The following FBXL13 variants were observed in gnomAD, a reference collection of about 807,000 sequenced individuals.
FBXL13 encodes F-box and leucine rich repeat protein 13.
Under a neutral mutation model 83.6 loss-of-function variants are expected in FBXL13, and 67 were observed. The ratio of observed to expected loss-of-function variants is 0.80; its 90% CI spans 0.66 to 0.98. The LOEUF (loss-of-function observed/expected upper bound fraction) is 0.98. FBXL13 is among the 50% of genes least tolerant of loss of function. The pLI is 0.00. For missense variants in FBXL13, 822 were observed against 866.5 expected, an observed-to-expected ratio of 0.95 and a Z score of 0.64; for synonymous variants, 272 against 299.5, an observed-to-expected ratio of 0.91 and a Z score of 0.95.
intron 2 of FBXL13, among the ~76,000 whole-genome samples, chr7:103,039,536 A>G (rs984604322): frequency 1.3e-5 from 2 of 152,192 alleles, no homozygotes; most frequent in African/African-American, 4.8e-5. Flanking sequence ...AGATTCACCA[A>G]GGTTGAAATG....
chr7:103,046,657 T>C (rs1188423041), intron 2 of FBXL13, among the ~76,000 whole-genome samples: 1 of 152,218 alleles, frequency 6.6e-6, no homozygotes, highest in Non-Finnish European at 1.5e-5. Flanking sequence ...CCCCTCATCA[T>C]TTCTATTGGC....
At chr7:102,983,391 A>G (rs971089513) in intron 6 of FBXL13, among the ~76,000 whole-genome samples, 2 of 150,986 alleles carry the variant, frequency 1.3e-5, no homozygotes, top group African/African-American at 4.9e-5. Flanking sequence ...ATTCCAACTT[A>G]TAGAAACCCA....
At chr7:102,983,341 C>A (rs548431610) in intron 6 of FBXL13, among the ~76,000 whole-genome samples, 4 of 151,918 alleles carry the variant, frequency 2.6e-5, no homozygotes, top group African/African-American at 9.7e-5. Flanking sequence ...GTTAGAGGCT[C>A]AATGTCCTCA....
At chr7:102,959,563 C>T (rs965323644) in intron 8 of FBXL13, among the ~76,000 whole-genome samples, 11 of 151,354 alleles carry the variant, frequency 7.3e-5, no homozygotes, top group African/African-American at 2.7e-4. Context: ...TTCATTTTAC[C>T]CTTTAATATC....
At chr7:103,047,844 G>A (rs141143899) in intron 2 of FBXL13, among the ~76,000 whole-genome samples, 3 of 152,176 alleles carry the variant, frequency 2.0e-5, no homozygotes, top group Admixed American at 6.5e-5. Context: ...ACAGGCACCC[G>A]CCACCATGCC....
chr7:102,878,953 A>C (rs966098192), intron 14 of FBXL13, among the ~76,000 whole-genome samples: 1 of 152,236 alleles, frequency 6.6e-6, no homozygotes, highest in Non-Finnish European at 1.5e-5. Flanking sequence ...TGCTGGAAGA[A>C]GACCTTGACC....
At chr7:103,057,254 C>G (rs1213324682) in intron 1 of FBXL13, among the ~76,000 whole-genome samples, 1 of 152,164 alleles carries the variant, frequency 6.6e-6, no homozygotes, top group Admixed American at 6.5e-5. Context: ...TATCTTGCCT[C>G]TTTCTAAAAA....
intron 16 of FBXL13, among the ~76,000 whole-genome samples, chr7:102,876,374 G>A (rs1286407140): frequency 6.6e-6 from 1 of 152,098 alleles, no homozygotes; most frequent in Admixed American, 6.5e-5. Context: ...ATAATGAGTT[G>A]ACTCCATGGT....
intron 11 of FBXL13, among the ~76,000 whole-genome samples, chr7:102,887,980 C>T (rs1164861392): frequency 1.3e-5 from 2 of 152,170 alleles, no homozygotes; most frequent in African/African-American, 2.4e-5. Context: ...GAAAAGATAG[C>T]GTAAGGAAGC....
chr7:103,053,310 G>T (rs1291723680), intron 2 of FBXL13, among the ~76,000 whole-genome samples: 1 of 151,524 alleles, frequency 6.6e-6, no homozygotes, highest in Non-Finnish European at 1.5e-5. Flanking sequence ...CCGCCACCAT[G>T]CCCAACTAAT....
intron 2 of FBXL13, among the ~76,000 whole-genome samples, chr7:103,045,104 T>C (rs1332030800): frequency 6.6e-6 from 1 of 152,218 alleles, no homozygotes; most frequent in Non-Finnish European, 1.5e-5. Flanking sequence ...AGAAGATTAA[T>C]AGACACAAAA....
intron 17 of FBXL13, among the ~76,000 whole-genome samples, chr7:102,838,458 AT>A (rs548242145): frequency 6.7e-6 from 1 of 150,284 alleles, no homozygotes. Flanking sequence ...TAAAAAAAAA[AT>A]TTTTTTTTTG....
At chr7:102,876,421 C>T (rs745922431) in intron 16 of FBXL13, among the ~76,000 whole-genome samples, 22 of 151,880 alleles carry the variant, frequency 1.4e-4, no homozygotes, top group South Asian at 8.3e-4. Flanking sequence ...CACTCATGGA[C>T]GATATGGAAG....
At chr7:102,964,214 G>A (rs927671688) in intron 7 of FBXL13, among the ~76,000 whole-genome samples, 4 of 151,722 alleles carry the variant, frequency 2.6e-5, no homozygotes, top group Admixed American at 6.6e-5. Context: ...GGGAGGCTGA[G>A]GCATGAGAAT....
At chr7:102,895,323 G>C (rs1812122160) in intron 11 of FBXL13, among the ~76,000 whole-genome samples, 1 of 152,176 alleles carries the variant, frequency 6.6e-6, no homozygotes. Flanking sequence ...GAGGGCAAAA[G>C]GTGAGCCTAG....
chr7:103,006,740 GT>G (rs1411838843), intron 6 of FBXL13, among the ~76,000 whole-genome samples: 2 of 151,910 alleles, frequency 1.3e-5, no homozygotes, highest in African/African-American at 2.4e-5. Context: ...GCAGGAAAAC[GT>G]GACAAATAAC....
At chr7:102,963,642 A>G in exon 8 of FBXL13, 1 of 1,601,658 alleles carries the variant, frequency 6.2e-7, no homozygotes. Flanking sequence ...CTGGAATCAC[A>G]TTTTTCACTG....
intron 6 of FBXL13, among the ~76,000 whole-genome samples, chr7:103,015,760 G>A (rs1000077325): frequency 5.1e-5 from 7 of 136,810 alleles, no homozygotes; most frequent in Non-Finnish European, 1.1e-4. Flanking sequence ...TCACACCACT[G>A]CACTCCAGCC....
chr7:102,848,273 G>GTGTGTACGGATATTAT (rs1299866637), intron 17 of FBXL13, among the ~76,000 whole-genome samples: 6 of 116,170 alleles, frequency 5.2e-5, no homozygotes, highest in African/African-American at 1.4e-4. Context: ...ATACACATTC[G>GTGTGTACGGATATTAT]AGGCCGGGCG....
Sources: gnomAD v4.1 joint callset for allele counts (sites outside exome capture counted in the v4.1 genomes callset) on GRCh38, gnomAD v4.1.1 for gene constraint, MANE v1.5 for transcripts, NCBI Gene and HGNC (gene_info 2026-07-23, HGNC 2026-07-21) for gene names.